The following PLEKHA5 variants were observed in gnomAD, a reference collection of about 807,000 sequenced individuals.
The protein encoded by PLEKHA5 is pleckstrin homology domain-containing family A member 5.
A neutral mutation model predicts 181.9 loss-of-function variants in PLEKHA5; 55 were observed. That is an observed-to-expected ratio of 0.30 (90% confidence interval 0.24 to 0.38). PLEKHA5 has a LOEUF of 0.38. Among genes scored for constraint, PLEKHA5 ranks in the 10% least tolerant of loss-of-function variants. The probability of loss-of-function intolerance (pLI) is 1.00; values close to 1 mark genes in which losing one functional copy is unlikely to be tolerated. For missense variants in PLEKHA5, 1,432 were observed against 1,549.5 expected, an observed-to-expected ratio of 0.92 and a Z score of 1.27; for synonymous variants, 535 against 529.4, an observed-to-expected ratio of 1.01 and a Z score of -0.15.
chr12:19,257,366 G>C, intron 5 of PLEKHA5, 67 bp from the exon 6 acceptor site: 1 of 706,714 alleles, frequency 1.4e-6, no homozygotes, highest in Non-Finnish European at 2.4e-6. Flanking sequence ...TAAATTTTAA[G>C]AGGAAGATAA....
chr12:19,250,309 GCGCAGAGGCTCATAC>G (rs2064930043), intron 3 of PLEKHA5, among the ~76,000 whole-genome samples: 1 of 152,202 alleles, frequency 6.6e-6, no homozygotes, highest in African/African-American at 2.4e-5. Flanking sequence ...ATTTGGCCGG[GCGCAGAGGCTCATAC>G]CTGTAATCCC....
At chr12:19,345,655 C>T (rs546304734) in intron 22 of PLEKHA5, among the ~76,000 whole-genome samples, 187 bp from the exon 23 acceptor site, 54 of 151,834 alleles carry the variant, frequency 3.6e-4, no homozygotes, top group Middle Eastern at 3.4e-3. Context: ...GTCCCAGCTA[C>T]GAGAGGCTGA....
chr12:19,177,060 G>GCCC (rs2047468115), intron 3 of PLEKHA5, among the ~76,000 whole-genome samples: 1 of 151,930 alleles, frequency 6.6e-6, no homozygotes, highest in South Asian at 2.1e-4. Context: ...TGGAGACAGG[G>GCCC]TTTCACCATG....
rs1358806452 is a variant in PLEKHA5 at position 19,375,848 on chromosome 12, T to A, written c.*329T>A. On this transcript the variant is annotated 3_prime_UTR_variant, in exon 32 of 32. Coordinates refer to ENST00000429027, the MANE Select transcript of PLEKHA5 (RefSeq NM_001256470.2). ...AGTTGCTGATTTCCAGATTTCGATG[T>A]TTCTTAAGTCTAGGTGAATTTATAT... The A allele has an allele frequency of 6.6e-6, 1 of 152,580 alleles. No individual in the cohort carries two copies. Among genetic ancestry groups the A allele is most frequent in the East Asian group, 1.9e-4 (1 of 5,206 alleles). The allele number at this position is 152,580 out of a possible 1,614,324, so 9.5% of individuals were successfully genotyped here. A position where few individuals can be genotyped will look rare whatever the true frequency, so the allele number is the denominator to read the frequency against.
chr12:19,374,229 C>T (rs931121969), intron 31 of PLEKHA5, among the ~76,000 whole-genome samples: 11 of 148,692 alleles, frequency 7.4e-5, no homozygotes, highest in South Asian at 6.3e-4. Context: ...GATTCAGCTA[C>T]GTTTGGTACT....
In PLEKHA5 at chr12:19,222,384, T is replaced by G. The variant is rs2059090388; in HGVS notation, c.228-31556T>G. On this transcript the variant is annotated intron_variant, in intron 3 of 31. Transcript: ENST00000429027. ...TCTTGGTACAGTTTCCCTTTGCAAA[T>G]GTAAGCAGAGCCTAATTTAATGATT... is the stretch of plus-strand genomic sequence containing the variant. Among the ~76,000 whole-genome samples the G allele has an allele frequency of 2.0e-5, 3 of 152,138 alleles. No homozygotes were observed. The South Asian group carries it at 6.2e-4, about 32-fold the overall frequency.
intron 3 of PLEKHA5, among the ~76,000 whole-genome samples, chr12:19,197,663 A>C (rs577377183): frequency 4.0e-4 from 58 of 145,030 alleles, no homozygotes; most frequent in Non-Finnish European, 1.5e-4. Flanking sequence ...GAAGTCACAG[A>C]GTCTATCCGG....
chr12:19,284,824 T>A (rs532311359), intron 12 of PLEKHA5, among the ~76,000 whole-genome samples: 1 of 152,106 alleles, frequency 6.6e-6, no homozygotes, highest in Admixed American at 6.5e-5. Context: ...TCCCAACACT[T>A]TGGGGAGCCA....
chr12:19,222,443 A>T (rs1322472203), intron 3 of PLEKHA5, among the ~76,000 whole-genome samples: 1 of 152,112 alleles, frequency 6.6e-6, no homozygotes, highest in African/African-American at 2.4e-5. Flanking sequence ...TACAGAGTGC[A>T]CTCACACATG....
intron 3 of PLEKHA5, chr12:19,200,345 T>C: frequency 2.0e-6 from 3 of 1,530,646 alleles, no homozygotes; most frequent in South Asian, 1.2e-5. Context: ...TTCCTTTTCA[T>C]TCTTCCTGGG....
At position 19,346,974 on chromosome 12, in the gene PLEKHA5, G is replaced by T; in HGVS notation, c.2710-20G>T. The T allele has an allele frequency of 6.7e-7, 1 of 1,501,520 alleles. No individual in the cohort carries two copies. The highest frequency in any genetic ancestry group is 1.3e-5 in the South Asian group (1 of 79,172). The allele number at this position is 1,501,520 out of a possible 1,614,324, so 93.0% of individuals were successfully genotyped here. On this transcript the variant is annotated intron_variant, in intron 23 of 31. Coordinates refer to ENST00000429027, the MANE Select transcript of PLEKHA5 (RefSeq NM_001256470.2). ...TTCAATCTGCTTATCTAAATAAGGT[G>T]ACTGTTCTACAATCTTTAGGAAGAG...
intron 3 of PLEKHA5, among the ~76,000 whole-genome samples, chr12:19,196,209 A>G (rs763141498): frequency 7.2e-5 from 11 of 152,188 alleles, no homozygotes; most frequent in Admixed American, 1.3e-4. Flanking sequence ...CAAAGATTAT[A>G]TTTTATATGT....
chr12:19,255,970 AG>A lies in PLEKHA5; in HGVS notation c.432+806del, dbSNP rs1328034322. Among the ~76,000 whole-genome samples, 14 of 152,044 alleles carry A rather than the reference AG, an allele frequency of 9.2e-5. No individual in the cohort carries two copies. The East Asian group carries it at 2.1e-3, about 23-fold the overall frequency. On this transcript the variant is annotated intron_variant, in intron 5 of 31. Coordinates refer to ENST00000429027, the MANE Select transcript of PLEKHA5 (RefSeq NM_001256470.2). ...TCAGAAGTAACAATATAAAATAATGAGAAATTCAACCACACGTAATTATTAT... is the reference window on the plus strand; with the variant it reads ...TCAGAAGTAACAATATAAAATAATGAAAATTCAACCACACGTAATTATTAT...
At chr12:19,368,609 A>G (rs899164612) in intron 30 of PLEKHA5, among the ~76,000 whole-genome samples, 2 of 152,094 alleles carry the variant, frequency 1.3e-5, no homozygotes, top group Non-Finnish European at 2.9e-5. Context: ...CCTGACCAAC[A>G]TGGAGAAACC....
intron 29 of PLEKHA5, 113 bp downstream of exon 29, chr12:19,361,819 G>A: frequency 1.1e-6 from 1 of 878,678 alleles, no homozygotes; most frequent in South Asian, 1.5e-5. Context: ...CTACCTAGGA[G>A]CTATAGAATC....
chr12:19,262,443 T>C (rs992215392), intron 7 of PLEKHA5, among the ~76,000 whole-genome samples: 8 of 152,150 alleles, frequency 5.3e-5, no homozygotes, highest in Non-Finnish European at 1.5e-5. Context: ...TTCACCATGT[T>C]GTCCAGGCTG....
At chr12:19,370,338 T>C (rs751343502) in intron 31 of PLEKHA5, among the ~76,000 whole-genome samples, 24 of 152,236 alleles carry the variant, frequency 1.6e-4, no homozygotes, top group Non-Finnish European at 2.6e-4. Flanking sequence ...ACTAAAACCA[T>C]GGATGGTATC....
Position 19,254,015 on chromosome 12 carries a change from G to T in PLEKHA5, c.303G>T (p.Val101=). 1 of 1,584,926 alleles carries T rather than the reference G, an allele frequency of 6.3e-7. No homozygotes were observed. The highest frequency in any genetic ancestry group is 1.1e-5 in the South Asian group (1 of 88,638). ...QPSQDNCIFV[V]NEQTVATMTS... ...CACAGGACAATTGTATTTTTGTAGT[G>T]AATGAACAGTAAGTAAAGAGTTTCA... is the stretch of plus-strand genomic sequence containing the variant. The change falls in exon 4 of 32, where the codon GTG becomes GTT. Residue 101 remains valine (V), a synonymous_variant. Coordinates refer to ENST00000429027, the MANE Select transcript of PLEKHA5 (RefSeq NM_001256470.2).
chr12:19,181,531 T>C (rs747628359), intron 3 of PLEKHA5, among the ~76,000 whole-genome samples: 3 of 152,156 alleles, frequency 2.0e-5, no homozygotes, highest in Non-Finnish European at 4.4e-5. Flanking sequence ...TCTCAGCAAT[T>C]TGGGAGGCCT....
Sources: gnomAD v4.1 joint callset for allele counts (sites outside exome capture counted in the v4.1 genomes callset) on GRCh38, gnomAD v4.1.1 for gene constraint, MANE v1.5 for transcripts, NCBI Gene and HGNC (gene_info 2026-07-23, HGNC 2026-07-21) for gene names.